BAHCC1: variants seen among roughly 807,000 people sequenced by gnomAD.
BAHCC1 encodes BAH domain and coiled-coil containing 1.
In BAHCC1, 43 loss-of-function variants were observed where a neutral mutation model predicts 88.2. That is an observed-to-expected ratio of 0.49 (90% CI 0.38 to 0.63). The LOEUF is 0.63. Among genes scored for constraint, BAHCC1 ranks in the 20% least tolerant of loss-of-function variants. The probability of loss-of-function intolerance (pLI) is 0.00; values close to 1 mark genes in which losing one functional copy is unlikely to be tolerated. For synonymous variants in BAHCC1, 1,510 were observed against 745.5 expected (o/e 2.03, Z -16.71); for missense variants, 3,023 against 1,654.8 (o/e 1.83, Z -14.34).
intron 2 of BAHCC1, among the ~76,000 whole-genome samples, chr17:81,425,159 G>GGGT: frequency 1.8e-5 from 1 of 56,012 alleles, no homozygotes; most frequent in African/African-American, 8.3e-5. Context: ...GTGATGGTGG[G>GGGT]TGTTGTGGTT....
chr17:81,409,757 T>C (rs1306306291), intron 2 of BAHCC1, among the ~76,000 whole-genome samples: 7 of 152,114 alleles, frequency 4.6e-5, no homozygotes, highest in Non-Finnish European at 1.0e-4. Flanking sequence ...CTGCGACGTC[T>C]CCATCCACAG....
intron 16 of BAHCC1, among the ~76,000 whole-genome samples, chr17:81,456,973 A>G (rs1276501290): frequency 6.6e-6 from 1 of 152,084 alleles, no homozygotes; most frequent in African/African-American, 2.4e-5. Context: ...GTGTGTCCAG[A>G]AACAGGAGCC....
At chr17:81,426,706 C>T (rs1022189146) in intron 2 of BAHCC1, 94 bp from the exon 3 acceptor site, 4 of 398,214 alleles carry the variant, frequency 1.0e-5, no homozygotes, top group Non-Finnish European at 1.8e-5. Flanking sequence ...GCCTGAGAGT[C>T]CCCTGTGGAG....
At chr17:81,429,896 C>T (rs1235031371) in intron 3 of BAHCC1, among the ~76,000 whole-genome samples, 6 of 152,316 alleles carry the variant, frequency 3.9e-5, no homozygotes, top group South Asian at 2.1e-4. Flanking sequence ...GCCCCTCGAG[C>T]GGGCCAGGGC....
In BAHCC1 at chr17:81,447,749, G is replaced by C. The variant is rs1555654983; in HGVS notation, c.3877G>C (p.Val1293Leu). The C allele has an allele frequency of 1.4e-6, 1 of 738,508 alleles. No individual in the cohort carries two copies. The highest frequency in any genetic ancestry group is 2.5e-6 in the Non-Finnish European group (1 of 397,420). The allele number at this position is 738,508 out of a possible 1,614,324, so 45.7% of individuals were successfully genotyped here. ...AGCGGCCTCTGGGCCCCCCAGCACA[G>C]TCCCCCTGCCTCATAGCTCAGGGAT... ...PPAASGPPSTVPLPHSSGIHG... is the reference protein window; with the variant it reads ...PPAASGPPSTLPLPHSSGIHG... The change falls in exon 11 of 28, where the codon GTC becomes CTC. Residue 1293 changes from valine (V) to leucine (L), a missense_variant. Val to Leu is a conservative substitution (Grantham distance 32, BLOSUM62 1). Transcript: ENST00000675386.
rs781944970 is a variant in BAHCC1, at chr17:81,443,425, G to A, written c.2076G>A (p.Thr692=). The change falls in exon 5 of 28, where the codon ACG becomes ACA. Residue 692 remains threonine (T), a synonymous_variant. Transcript: ENST00000675386. ...CCCGCAGCAGGGAGCACGACACCAC[G>A]CACGGCGACGGGGAGGTGCGGCAGC... ...DCARSREHDT[T]HGDGEVRQPP... 7 of 761,040 alleles carry A rather than the reference G, an allele frequency of 9.2e-6. No individual in the cohort carries two copies. The highest frequency in any genetic ancestry group is 3.4e-5 in the African/African-American group (2 of 58,694). The allele number at this position is 761,040 out of a possible 1,614,324, so 47.1% of individuals were successfully genotyped here.
chr17:81,455,251 C>G lies in BAHCC1; in HGVS notation c.4446-16C>G. ...GGGCCTGCATCTGCCCTGCACCCAC[C>G]ACCCCATGCCCCCAGGGCGGTGCGG... is the stretch of plus-strand genomic sequence containing the variant. On this transcript the variant is annotated splice_polypyrimidine_tract_variant and intron_variant, in intron 14 of 27. Coordinates refer to ENST00000675386, the MANE Select transcript of BAHCC1 (RefSeq NM_001377448.1). The G allele has an allele frequency of 1.4e-6, 1 of 712,974 alleles. No individual in the cohort carries two copies. Among genetic ancestry groups the G allele is most frequent in the Non-Finnish European group, 2.6e-6 (1 of 384,612 alleles). 44.2% of individuals were successfully genotyped at this position (712,974 alleles called of 1,614,324 possible).
At position 81,411,041 on chromosome 17, in the gene BAHCC1, C is replaced by A; in HGVS notation, c.178+11124C>A. On this transcript the variant is annotated intron_variant, in intron 2 of 27. Coordinates refer to ENST00000675386, the MANE Select transcript of BAHCC1 (RefSeq NM_001377448.1). This position sits in a 1 kb window ranked among gnomAD's most constrained non-coding sequence, Gnocchi z 6.2. ...CATATGTCTGTGTGAAGGCCTGGGG[C>A]CCCCGTGCGCCTCCCCTCGGGCCTG... The A allele has an allele frequency of 1.9e-6, 1 of 517,956 alleles. No individual in the cohort carries two copies. The highest frequency in any genetic ancestry group is 1.4e-5 in the South Asian group (1 of 71,438). The allele number at this position is 517,956 out of a possible 1,614,324, so 32.1% of individuals were successfully genotyped here. A position where few individuals can be genotyped will look rare whatever the true frequency, so the allele number is the denominator to read the frequency against.
At position 81,399,526 on chromosome 17, in the gene BAHCC1, C is replaced by T. The variant is rs1474246430; in HGVS notation, c.-206-8C>T. ...TCACCCGTGTCTCCTCTGCTTTTGC[C>T]TCCACAGACCATGGACCCGCACAGC... On this transcript the variant is annotated splice_polypyrimidine_tract_variant and splice_region_variant and intron_variant, in intron 1 of 27. Transcript: ENST00000675386. This position sits in a 1 kb window ranked among gnomAD's most constrained non-coding sequence, Gnocchi z 4.5. The T allele has an allele frequency of 2.7e-6, 1 of 363,910 alleles. No individual in the cohort carries two copies. Among genetic ancestry groups the T allele is most frequent in the Admixed American group, 3.2e-5 (1 of 31,160 alleles). 22.5% of individuals were successfully genotyped at this position (363,910 alleles called of 1,614,324 possible).
intron 4 of BAHCC1, among the ~76,000 whole-genome samples, 191 bp from the exon 5 acceptor site, chr17:81,441,640 C>T (rs550810423): frequency 3.8e-5 from 5 of 129,886 alleles, no homozygotes; most frequent in South Asian, 2.4e-4. Context: ...GCAGCCTGGG[C>T]GACAGAGGGC....
intron 2 of BAHCC1, among the ~76,000 whole-genome samples, chr17:81,408,209 C>T (rs544312286): frequency 2.0e-5 from 3 of 152,206 alleles, no homozygotes; most frequent in East Asian, 1.9e-4. Context: ...AATTCCAGTG[C>T]GTGGCGAATG....
At position 81,446,933 on chromosome 17, in the gene BAHCC1, G is replaced by A. The variant is rs78506412; in HGVS notation, c.3164-103G>A. The stretch of plus-strand genomic sequence containing the variant: ...CAGCTAGCCCAGGGCCCTTCCGCAC[G>A]GGCTTGGGTCTGAGGGTTCGAGGCC... On this transcript the variant is annotated intron_variant, in intron 10 of 27. Coordinates refer to ENST00000675386, the MANE Select transcript of BAHCC1 (RefSeq NM_001377448.1). 787 of 715,898 alleles carry A rather than the reference G, an allele frequency of 1.1e-3. 2 individuals are homozygous for A. Among genetic ancestry groups the A allele is most frequent in the African/African-American group, 0.01 (588 of 57,810 alleles). The allele number at this position is 715,898 out of a possible 1,614,324, so 44.3% of individuals were successfully genotyped here.
At chr17:81,421,055 C>T (rs376292170) in intron 2 of BAHCC1, among the ~76,000 whole-genome samples, 3 of 152,252 alleles carry the variant, frequency 2.0e-5, no homozygotes, top group South Asian at 2.1e-4. Context: ...GATGGCACTA[C>T]GTCACATGAG....
chr17:81,423,112 C>T (rs1299076895), intron 2 of BAHCC1, among the ~76,000 whole-genome samples: 1 of 152,160 alleles, frequency 6.6e-6, no homozygotes, highest in African/African-American at 2.4e-5. Flanking sequence ...GGCCCTGCTC[C>T]ACAGTCCCTT....
At position 81,452,123 on chromosome 17, in the gene BAHCC1, C is replaced by CG. The variant is rs782452747; in HGVS notation, c.4316+23dup. 18 of 605,180 alleles carry CG rather than the reference C, an allele frequency of 3.0e-5. No homozygotes were observed. Among genetic ancestry groups the CG allele is most frequent in the East Asian group, 5.8e-5 (2 of 34,274 alleles). The allele number at this position is 605,180 out of a possible 1,614,324, so 37.5% of individuals were successfully genotyped here. On this transcript the variant is annotated intron_variant, in intron 13 of 27. Coordinates refer to ENST00000675386, the MANE Select transcript of BAHCC1 (RefSeq NM_001377448.1). The stretch of plus-strand genomic sequence containing the variant: ...ACGACCATGAGTACGCCTGGCGTGG[C>CG]GGGGGGGCCTGGGAGGGTCGCAGCA...
chr17:81,453,519 A>G (rs1214633887), intron 14 of BAHCC1, among the ~76,000 whole-genome samples: 1 of 152,214 alleles, frequency 6.6e-6, no homozygotes, highest in Non-Finnish European at 1.5e-5. Flanking sequence ...GTCACAAAAC[A>G]TTAGCAAATG....
chr17:81,452,113 C>T lies in BAHCC1; in HGVS notation c.4316+6C>T, dbSNP rs1479319719. 3.2e-6 allele frequency: 2 copies of T among 620,686 alleles called. No homozygotes were observed. Among genetic ancestry groups the T allele is most frequent in the Non-Finnish European group, 5.7e-6 (2 of 352,736 alleles). The allele number at this position is 620,686 out of a possible 1,614,324, so 38.4% of individuals were successfully genotyped here. On this transcript the variant is annotated splice_donor_region_variant and intron_variant, in intron 13 of 27. Transcript: ENST00000675386. ...CAGCGCAAGCACGACCATGAGTACG[C>T]CTGGCGTGGCGGGGGGGCCTGGGAG...
intron 2 of BAHCC1, among the ~76,000 whole-genome samples, chr17:81,420,602 G>T (rs931082242): frequency 2.0e-5 from 3 of 152,238 alleles, no homozygotes; most frequent in Non-Finnish European, 4.4e-5. Flanking sequence ...CATTTCCTCA[G>T]CTAGCCGGCC....
At chr17:81,426,095 G>T (rs2064192988) in intron 2 of BAHCC1, among the ~76,000 whole-genome samples, 1 of 143,998 alleles carries the variant, frequency 6.9e-6, no homozygotes, top group Non-Finnish European at 1.5e-5. Context: ...GGTTGGTGGT[G>T]ATAGTGGTGG....
Sources: gnomAD v4.1 joint callset for allele counts (sites outside exome capture counted in the v4.1 genomes callset) on GRCh38, gnomAD v4.1.1 for gene constraint, Gnocchi (gnomAD v3.1) non-coding constraint, MANE v1.5 for transcripts, NCBI Gene and HGNC (gene_info 2026-07-23, HGNC 2026-07-21) for gene names.